The following ARSB variants were observed in gnomAD, a reference collection of about 807,000 sequenced individuals.
ARSB encodes the protein arylsulfatase B.
ARSB carries 41 observed loss-of-function variants against 50.9 expected under a neutral mutation model. The observed-to-expected ratio is 0.81, with a 90% CI of 0.63 to 1.04. The LOEUF is 1.04. ARSB is among the 50% of genes least tolerant of loss of function. The probability of loss-of-function intolerance (pLI) is 0.00; values close to 1 mark genes in which losing one functional copy is unlikely to be tolerated. For synonymous variants in ARSB, 269 were observed against 284.8 expected, an observed-to-expected ratio of 0.94 and a Z score of 0.56; for missense variants, 672 against 693.3, an observed-to-expected ratio of 0.97 and a Z score of 0.35.
intron 6 of ARSB, chr5:78,815,547 G>T: frequency 1.0e-6 from 1 of 986,640 alleles, no homozygotes; most frequent in Non-Finnish European, 1.2e-6. Context: ...AAAAAAGGTG[G>T]AGGAAAGCAT....
chr5:78,846,510 TATGAG>T (rs1745450828), intron 5 of ARSB, among the ~76,000 whole-genome samples: 1 of 152,156 alleles, frequency 6.6e-6, no homozygotes, highest in South Asian at 2.1e-4. Flanking sequence ...AATCTATGAA[TATGAG>T]ATATCTTTTC....
chr5:78,801,671 T>G (rs1034257506), intron 6 of ARSB, among the ~76,000 whole-genome samples: 4 of 152,130 alleles, frequency 2.6e-5, no homozygotes, highest in African/African-American at 9.7e-5. Flanking sequence ...TCGGCCTCCC[T>G]TGCAGTTGGG....
chr5:78,856,405 A>C (rs1366035147), intron 5 of ARSB, among the ~76,000 whole-genome samples: 2 of 152,242 alleles, frequency 1.3e-5, no homozygotes, highest in Non-Finnish European at 1.5e-5. Context: ...GTTTCCCAGA[A>C]AGTATCTTAA....
At chr5:78,887,961 G>C (rs544282879) in intron 4 of ARSB, among the ~76,000 whole-genome samples, 1 of 152,336 alleles carries the variant, frequency 6.6e-6, no homozygotes, top group South Asian at 2.1e-4. Flanking sequence ...CTTAGCTGCT[G>C]TTGGGGAAGA....
chr5:78,884,807 C>T (rs1401459026), intron 5 of ARSB: 1 of 152,188 alleles, frequency 6.6e-6, no homozygotes, highest in Non-Finnish European at 1.5e-5. Flanking sequence ...TTCCTGTACT[C>T]CAAGGGAACA....
At chr5:78,818,711 G>T (rs1744099709) in intron 6 of ARSB, among the ~76,000 whole-genome samples, 1 of 147,902 alleles carries the variant, frequency 6.8e-6, no homozygotes, top group Admixed American at 6.8e-5. Context: ...TCCGCCTCCT[G>T]GGTCCATGCC....
intron 6 of ARSB, among the ~76,000 whole-genome samples, chr5:78,832,398 G>A (rs762508079): frequency 1.3e-5 from 2 of 152,060 alleles, no homozygotes; most frequent in Non-Finnish European, 2.9e-5. Flanking sequence ...TCCAGACTGG[G>A]TTTTAGCCAG....
chr5:78,904,161 T>C (rs978915441), intron 4 of ARSB, among the ~76,000 whole-genome samples: 1 of 152,368 alleles, frequency 6.6e-6, no homozygotes, highest in African/African-American at 2.4e-5. Context: ...TCCATGCTAA[T>C]GTGTGTATCA....
At chr5:78,791,149 C>G (rs2112631564) in intron 6 of ARSB, among the ~76,000 whole-genome samples, 1 of 152,318 alleles carries the variant, frequency 6.6e-6, no homozygotes, top group African/African-American at 2.4e-5. Context: ...TATTTACTTA[C>G]AGTAAAACTT....
rs34955466 is a variant in ARSB at position 78,959,340 on chromosome 5, CTT to C, written c.691-3840_691-3839del. ...TTATAAATTACCCAGTCTCAGGCAGCTTTTTTTTTTTTCCTGCAAAAACCCTC... is the reference window on the plus strand; with the variant it reads ...TTATAAATTACCCAGTCTCAGGCAGCTTTTTTTTTTCCTGCAAAAACCCTC... On this transcript the variant is annotated intron_variant, in intron 3 of 7. Transcript: ENST00000264914. Among the ~76,000 whole-genome samples the C allele has an allele frequency of 7.5e-5, 11 of 147,236 alleles. No homozygotes were observed. The East Asian group carries it at 7.9e-4, about 11-fold the overall frequency.
At chr5:78,788,120 G>A (rs78465623) in intron 6 of ARSB, among the ~76,000 whole-genome samples, 5,398 of 152,258 alleles carry the variant, frequency 0.035, 232 homozygotes, top group Admixed American at 0.11. Context: ...CAGAAGCTAG[G>A]GAGTTAAGAG....
intron 4 of ARSB, among the ~76,000 whole-genome samples, chr5:78,923,207 G>A (rs1749906202): frequency 3.9e-5 from 6 of 152,212 alleles, no homozygotes; most frequent in Admixed American, 3.9e-4. Context: ...ATCTCACTGG[G>A]ACCCTTTGAG....
chr5:78,960,820 C>T (rs949775853), intron 3 of ARSB, among the ~76,000 whole-genome samples: 12 of 152,174 alleles, frequency 7.9e-5, no homozygotes, highest in Non-Finnish European at 1.3e-4. Flanking sequence ...GCCTCGGCCT[C>T]CCAAAGTGCT....
chr5:78,812,297 A>G (rs988380811), intron 6 of ARSB, among the ~76,000 whole-genome samples: 4 of 152,194 alleles, frequency 2.6e-5, no homozygotes, highest in South Asian at 2.1e-4. Context: ...AAGGAAAACA[A>G]TACCCTGGAG....
intron 4 of ARSB, among the ~76,000 whole-genome samples, chr5:78,948,557 A>G (rs1056509152): frequency 2.0e-5 from 3 of 152,214 alleles, no homozygotes; most frequent in Non-Finnish European, 4.4e-5. Context: ...GCATGAATCA[A>G]TTAAGGTTGT....
intron 4 of ARSB, among the ~76,000 whole-genome samples, chr5:78,953,281 T>C (rs1421593144): frequency 6.6e-6 from 1 of 152,248 alleles, no homozygotes; most frequent in Non-Finnish European, 1.5e-5. Flanking sequence ...CATGAGGTCC[T>C]ATGAGAACAC....
At chr5:78,812,320 T>A (rs1743838285) in intron 6 of ARSB, among the ~76,000 whole-genome samples, 1 of 152,106 alleles carries the variant, frequency 6.6e-6, no homozygotes, top group South Asian at 2.1e-4. Context: ...CACAGCCCCC[T>A]AGCCCAAAAG....
intron 3 of ARSB, among the ~76,000 whole-genome samples, chr5:78,957,194 T>C (rs761434082): frequency 5.1e-4 from 76 of 149,310 alleles, no homozygotes; most frequent in Non-Finnish European, 4.8e-4. Flanking sequence ...ACAACTAGTT[T>C]AACCCAAAAA....
chr5:78,837,384 T>A (rs1034447316), intron 6 of ARSB, among the ~76,000 whole-genome samples: 1 of 152,186 alleles, frequency 6.6e-6, no homozygotes, highest in African/African-American at 2.4e-5. Context: ...GACTTTGATA[T>A]GACTGAAATG....
Sources: allele counts gnomAD v4.1 joint callset (sites outside exome capture counted in the v4.1 genomes callset), GRCh38; gene constraint gnomAD v4.1.1; transcripts MANE v1.5; gene names NCBI Gene and HGNC (gene_info 2026-07-23, HGNC 2026-07-21).